SHD: variants seen among roughly 807,000 people sequenced by gnomAD.
SHD encodes the protein Src homology 2 domain containing transforming protein D.
SHD carries 29 observed loss-of-function variants against 31.2 expected under a neutral mutation model. That is an observed-to-expected ratio of 0.93 (90% confidence interval 0.69 to 1.27). The LOEUF is 1.27. Among genes scored for constraint, SHD ranks in the 50% most tolerant of loss-of-function variants. The probability of loss-of-function intolerance (pLI) is 0.00; values close to 1 mark genes in which losing one functional copy is unlikely to be tolerated. For missense variants in SHD, 520 were observed against 453.8 expected, an observed-to-expected ratio of 1.15 and a Z score of -1.33; for synonymous variants, 208 against 187.8, an observed-to-expected ratio of 1.11 and a Z score of -0.88.
chr19:4,284,790 A>T lies in SHD; in HGVS notation c.602A>T (p.Asp201Val). The change falls in exon 4 of 6, where the codon GAC (aspartate) becomes GTC (valine). Residue 201 changes from aspartate (D) to valine (V), a missense_variant. By Grantham distance (152) the Asp-to-Val change is radical (BLOSUM62 -3). Coordinates refer to ENST00000543264, the MANE Select transcript of SHD (RefSeq NM_020209.4). ...HISRAFAVQFDSPEWERTPGS... is the reference protein window; with the variant it reads ...HISRAFAVQFVSPEWERTPGS... Reference sequence around the variant, plus strand: ...TAAATCTCCTTTCCAGTGCAGTTTGACAGTCCAGAGTGGGAGAGGACTCCA... The same window carrying T: ...TAAATCTCCTTTCCAGTGCAGTTTGTCAGTCCAGAGTGGGAGAGGACTCCA... The T allele has an allele frequency of 3.1e-6, 5 of 1,602,516 alleles. No homozygotes were observed. Among genetic ancestry groups the T allele is most frequent in the Non-Finnish European group, 4.3e-6 (5 of 1,173,434 alleles).
Position 4,285,889 on chromosome 19 carries a change from C to CTTTTT in SHD, c.716+1002_716+1006dup, listed in dbSNP as rs56142317. 9.8e-4 allele frequency among the ~76,000 whole-genome samples: 86 copies of CTTTTT among 87,368 alleles called. 2 individuals are homozygous for CTTTTT. The highest frequency in any genetic ancestry group is 1.2e-3 in the Non-Finnish European group (62 of 49,722). 57.3% of individuals were successfully genotyped at this position (87,368 alleles called of 152,430 possible). The stretch of plus-strand genomic sequence containing the variant: ...TCTTCTCTTTCTTTTCTTTTCCTTT[C>CTTTTT]TTTTTTTTTTTTTTTTTTTTTGACA... On this transcript the variant is annotated intron_variant, in intron 4 of 5. Transcript: ENST00000543264.
intron 5 of SHD, 120 bp downstream of exon 5, chr19:4,288,482 C>A: frequency 8.2e-7 from 1 of 1,212,500 alleles, no homozygotes; most frequent in East Asian, 2.9e-5. Context: ...GCTTCCAGGT[C>A]AGTGGGTGGG....
Position 4,279,933 on chromosome 19 carries a change from C to G in SHD, c.-131C>G. On this transcript the variant is annotated 5_prime_UTR_variant, in exon 1 of 6. Coordinates refer to ENST00000543264, the MANE Select transcript of SHD (RefSeq NM_020209.4). The surrounding 1 kb of genome is among the most constrained non-coding windows in gnomAD (Gnocchi z 7.5). ...ATCCAGAGCCCCGCCAAAGGGCGCACCTGATCTTTCTCATCCTTCCCTGCT... is the reference window on the plus strand; with the variant it reads ...ATCCAGAGCCCCGCCAAAGGGCGCAGCTGATCTTTCTCATCCTTCCCTGCT... 3 of 1,149,552 alleles carry G rather than the reference C, an allele frequency of 2.6e-6. No homozygotes were observed. Among genetic ancestry groups the G allele is most frequent in the Non-Finnish European group, 3.6e-6 (3 of 826,680 alleles). 71.2% of individuals were successfully genotyped at this position (1,149,552 alleles called of 1,614,324 possible). A position where few individuals can be genotyped will look rare whatever the true frequency, so the allele number is the denominator to read the frequency against.
intron 4 of SHD, among the ~76,000 whole-genome samples, chr19:4,285,114 C>T (rs1459958803): frequency 6.6e-6 from 1 of 152,196 alleles, no homozygotes; most frequent in African/African-American, 2.4e-5. Flanking sequence ...TTATGGGGTC[C>T]CTTTTCCTTT....
chr19:4,285,885 C>CTTT (rs1281829648), intron 4 of SHD, among the ~76,000 whole-genome samples: 7 of 93,978 alleles, frequency 7.4e-5, no homozygotes, highest in East Asian at 3.5e-4. Flanking sequence ...TTTTCTTTTC[C>CTTT]TTTCTTTTTT....
chr19:4,285,880 T>C (rs1331436006), intron 4 of SHD, among the ~76,000 whole-genome samples: 1 of 131,956 alleles, frequency 7.6e-6, no homozygotes, highest in Non-Finnish European at 1.6e-5. Flanking sequence ...CTTTCTTTTC[T>C]TTTCCTTTCT....
chr19:4,279,856 C>A lies in SHD; in HGVS notation c.-208C>A. On this transcript the variant is annotated 5_prime_UTR_variant, in exon 1 of 6. Transcript: ENST00000543264. This position sits in a 1 kb window ranked among gnomAD's most constrained non-coding sequence, Gnocchi z 7.5. Reference sequence around the variant, plus strand: ...TAAGGCGGGCTTCTCTTCCTCCCTCCTCTGTCGCCTCCTTTTCCTCCCCCT... The same window carrying A: ...TAAGGCGGGCTTCTCTTCCTCCCTCATCTGTCGCCTCCTTTTCCTCCCCCT... The A allele has an allele frequency of 1.6e-6, 1 of 630,140 alleles. No homozygotes were observed. The highest frequency in any genetic ancestry group is 2.7e-6 in the Non-Finnish European group (1 of 372,076). The allele number at this position is 630,140 out of a possible 1,614,324, so 39.0% of individuals were successfully genotyped here.
chr19:4,284,728 G>GC lies in SHD; in HGVS notation c.593-47dup, dbSNP rs1158350042. On this transcript the variant is annotated intron_variant, in intron 3 of 5. Transcript: ENST00000543264. The stretch of plus-strand genomic sequence containing the variant: ...GATTCCATTGGCTTGCCCCTGCCCC[G>GC]CCCCCCAAGGTAGGCTGGACTTAAC... 64 of 1,407,474 alleles carry GC rather than the reference G, an allele frequency of 4.5e-5. No homozygotes were observed. In the East Asian group the frequency reaches 5.9e-4, roughly 13 times the overall value. The allele number at this position is 1,407,474 out of a possible 1,614,324, so 87.2% of individuals were successfully genotyped here.
rs1769377052 is a variant in SHD, at chr19:4,283,173, G to C, written c.523G>C (p.Glu175Gln). ...GCAGAGCCGGATGCCCCAGGAAGAT[G>C]AACGGCCAGCAGATGAGTATGATCA... is the stretch of plus-strand genomic sequence containing the variant. ...PRQSRMPQED[E>Q]RPADEYDQPW... The change falls in exon 3 of 6, where the codon GAA (glutamate) becomes CAA (glutamine). Residue 175 changes from glutamate (E) to glutamine (Q), a missense_variant. Physicochemically the swap from Glu to Gln is conservative, Grantham distance 29. Coordinates refer to ENST00000543264, the MANE Select transcript of SHD (RefSeq NM_020209.4). 1 of 1,614,172 alleles carries C rather than the reference G, an allele frequency of 6.2e-7. No individual in the cohort carries two copies. The highest frequency in any genetic ancestry group is 8.5e-7 in the Non-Finnish European group (1 of 1,180,046).
intron 5 of SHD, among the ~76,000 whole-genome samples, chr19:4,289,799 C>A (rs1200890586): frequency 1.3e-5 from 2 of 151,248 alleles, no homozygotes; most frequent in African/African-American, 4.9e-5. Flanking sequence ...TCTCCATCTC[C>A]TGACCTCGTG....
At chr19:4,284,939 T>G (rs750942757) in intron 4 of SHD, 35 bp downstream of exon 4, 4 of 1,555,110 alleles carry the variant, frequency 2.6e-6, no homozygotes, top group Non-Finnish European at 3.5e-6. Flanking sequence ...AGAGCCCCGT[T>G]GAACGTATCT....
Position 4,280,215 on chromosome 19 carries a change from G to A in SHD, c.152G>A (p.Ser51Asn). The part of the protein sequence containing the change: ...DFEDPYEDAE[S>N]RLEPDPAGPG... ...GAGGACCCCTATGAGGACGCGGAGAGCCGCTTGGAGCCGGACCCCGCGGGC... is the reference window on the plus strand; with the variant it reads ...GAGGACCCCTATGAGGACGCGGAGAACCGCTTGGAGCCGGACCCCGCGGGC... Residue 51 changes from serine to asparagine, a missense_variant, in exon 1 of 6, where the codon AGC becomes AAC. Coordinates refer to ENST00000543264, the MANE Select transcript of SHD (RefSeq NM_020209.4). The A allele has an allele frequency of 3.1e-6, 5 of 1,613,922 alleles. No individual in the cohort carries two copies. The highest frequency in any genetic ancestry group is 4.2e-6 in the Non-Finnish European group (5 of 1,180,018).
chr19:4,282,709 C>CAT (rs1481039202), intron 1 of SHD, among the ~76,000 whole-genome samples, 161 bp from the exon 2 acceptor site: 1 of 151,764 alleles, frequency 6.6e-6, no homozygotes, highest in Admixed American at 6.6e-5. Context: ...GAGCGAGACT[C>CAT]CATCTCAAAA....
chr19:4,286,373 G>T (rs1359108121), intron 4 of SHD, among the ~76,000 whole-genome samples: 1 of 139,940 alleles, frequency 7.1e-6, no homozygotes, highest in African/African-American at 2.7e-5. Flanking sequence ...TTGAGACAGG[G>T]TCTCACTCTG....
intron 1 of SHD, among the ~76,000 whole-genome samples, chr19:4,280,753 C>T (rs1263927203): frequency 6.6e-6 from 1 of 152,120 alleles, no homozygotes; most frequent in African/African-American, 2.4e-5. Flanking sequence ...ACTCAAACTC[C>T]TGACCTCAGG....
intron 5 of SHD, among the ~76,000 whole-genome samples, chr19:4,289,672 G>T (rs575985557): frequency 6.6e-6 from 1 of 151,400 alleles, no homozygotes; most frequent in Non-Finnish European, 1.5e-5. Context: ...CCGGGTTCAC[G>T]CCATTCTCCT....
intron 4 of SHD, among the ~76,000 whole-genome samples, chr19:4,286,676 GATC>G (rs1389315319): frequency 6.6e-6 from 1 of 151,846 alleles, no homozygotes; most frequent in Non-Finnish European, 1.5e-5. Flanking sequence ...GGGGTGGGCA[GATC>G]ATGAGGTCAA....
rs1458579453 is a variant in SHD at position 4,280,274 on chromosome 19, T to C, written c.211T>C (p.Tyr71His). The change falls in exon 1 of 6, where the codon TAT becomes CAT. Residue 71 changes from tyrosine to histidine, a missense_variant. Physicochemically the swap from Tyr to His is moderately conservative, Grantham distance 83 (BLOSUM62 2). Coordinates refer to ENST00000543264, the MANE Select transcript of SHD (RefSeq NM_020209.4). ...CTCCAAGAACCCCGGAGATGCCAAG[T>C]ATGGTTCTCCCAAGCACCGGCTCAT... ...GDSKNPGDAK[Y>H]GSPKHRLIKV... 5 of 1,612,924 alleles carry C rather than the reference T, an allele frequency of 3.1e-6. No individual in the cohort carries two copies. The highest frequency in any genetic ancestry group is 4.2e-6 in the Non-Finnish European group (5 of 1,179,708).
Position 4,279,772 on chromosome 19 carries a change from C to T in SHD, c.-292C>T, listed in dbSNP as rs367635478. 7.3e-5 allele frequency: 30 copies of T among 411,782 alleles called. No homozygotes were observed. The East Asian group carries it at 7.9e-4, about 11-fold the overall frequency. 25.5% of individuals were successfully genotyped at this position (411,782 alleles called of 1,614,324 possible). ...ATGCCCCTCGCCCTAGCCCCCAGCGCGCGGGGTTCGGGGCCCTGCGAGGTC... is the reference window on the plus strand; with the variant it reads ...ATGCCCCTCGCCCTAGCCCCCAGCGTGCGGGGTTCGGGGCCCTGCGAGGTC... On this transcript the variant is annotated 5_prime_UTR_variant, in exon 1 of 6. Transcript: ENST00000543264. The surrounding 1 kb of genome is among the most constrained non-coding windows in gnomAD (Gnocchi z 7.5).
Sources: allele counts gnomAD v4.1 joint callset (sites outside exome capture counted in the v4.1 genomes callset), GRCh38; gene constraint gnomAD v4.1.1; non-coding constraint Gnocchi (gnomAD v3.1); transcripts MANE v1.5; gene names NCBI Gene and HGNC (gene_info 2026-07-23, HGNC 2026-07-21).